Variants in GRIP1 observed in about 807,000 individuals in gnomAD.
GRIP1 encodes the protein glutamate receptor-interacting protein 1.
In GRIP1, 45 loss-of-function variants were observed where a neutral mutation model predicts 129.9. The observed-to-expected ratio is 0.35, with a 90% CI of 0.27 to 0.44. The LOEUF is 0.44. Ranked by LOEUF, GRIP1 falls within the 20% of genes least tolerant of loss-of-function variation. The pLI is 1.00. For synonymous variants in GRIP1, 530 were observed against 520.8 expected (o/e 1.02, Z -0.24); for missense variants, 1,196 against 1,396.8 (o/e 0.86, Z 2.29).
At chr12:66,838,689 T>C (rs1458324066) in intron 1 of GRIP1, among the ~76,000 whole-genome samples, 1 of 152,176 alleles carries the variant, frequency 6.6e-6, no homozygotes, top group Admixed American at 6.5e-5. Flanking sequence ...TACTTTGATT[T>C]GGACTGATAA....
At chr12:66,377,782 A>G (rs2055880867) in intron 20 of GRIP1, among the ~76,000 whole-genome samples, 1 of 151,838 alleles carries the variant, frequency 6.6e-6, no homozygotes, top group African/African-American at 2.4e-5. Context: ...TAGGAAATGC[A>G]GTGTTGTGAA....
intron 23 of GRIP1, among the ~76,000 whole-genome samples, chr12:66,369,850 G>A (rs1462346665): frequency 6.6e-6 from 1 of 152,194 alleles, no homozygotes; most frequent in Non-Finnish European, 1.5e-5. Context: ...AATGGTGTAT[G>A]TCAATTAGTA....
At chr12:66,551,038 G>T (rs2062109355) in intron 2 of GRIP1, among the ~76,000 whole-genome samples, 1 of 152,206 alleles carries the variant, frequency 6.6e-6, no homozygotes, top group South Asian at 2.1e-4. Context: ...GAAAATCGGA[G>T]TTTACAAGTA....
At chr12:66,994,953 C>T (rs2042445557) in intron 1 of GRIP1, among the ~76,000 whole-genome samples, 1 of 151,846 alleles carries the variant, frequency 6.6e-6, no homozygotes, top group Non-Finnish European at 1.5e-5. Context: ...TAATGCAAAT[C>T]TACAATAATT....
At chr12:66,352,926 C>T (rs908716423) in intron 24 of GRIP1, among the ~76,000 whole-genome samples, 2 of 152,028 alleles carry the variant, frequency 1.3e-5, no homozygotes, top group Admixed American at 6.6e-5. Flanking sequence ...GATCACGCCA[C>T]TCCACTCCAG....
At chr12:66,468,561 C>T (rs2138388177) in intron 7 of GRIP1, among the ~76,000 whole-genome samples, 1 of 152,102 alleles carries the variant, frequency 6.6e-6, no homozygotes, top group Middle Eastern at 3.4e-3. Flanking sequence ...AACCATTACC[C>T]AATACTCAAA....
intron 16 of GRIP1, among the ~76,000 whole-genome samples, chr12:66,396,863 C>T (rs553172997): frequency 1.1e-4 from 17 of 151,906 alleles, no homozygotes; most frequent in East Asian, 1.9e-4. Flanking sequence ...GTAATCCCAG[C>T]GCTTTGGGAG....
chr12:66,448,806 A>G (rs949198784), intron 11 of GRIP1, among the ~76,000 whole-genome samples: 3 of 152,156 alleles, frequency 2.0e-5, no homozygotes, highest in African/African-American at 4.8e-5. Flanking sequence ...ACAGCCTCCA[A>G]TTGCTGCTAG....
intron 1 of GRIP1, among the ~76,000 whole-genome samples, chr12:66,880,993 T>C (rs973749571): frequency 6.6e-6 from 1 of 151,138 alleles, no homozygotes; most frequent in African/African-American, 2.4e-5. Flanking sequence ...GTTACTCTTC[T>C]GTTTTTTTTT....
intron 1 of GRIP1, among the ~76,000 whole-genome samples, chr12:67,018,844 G>C (rs1033864516): frequency 3.3e-5 from 5 of 151,978 alleles, no homozygotes; most frequent in African/African-American, 1.2e-4. Context: ...GAAAACCACG[G>C]ACCCACAGCA....
chr12:67,061,408 T>C (rs376534062), intron 1 of GRIP1, among the ~76,000 whole-genome samples: 2 of 152,218 alleles, frequency 1.3e-5, no homozygotes, highest in African/African-American at 2.4e-5. Flanking sequence ...GTCAAGATGG[T>C]CGGTCTATAC....
chr12:66,472,867 G>T (rs964590871), intron 7 of GRIP1, among the ~76,000 whole-genome samples: 6 of 152,198 alleles, frequency 3.9e-5, no homozygotes, highest in African/African-American at 1.4e-4. Flanking sequence ...AGGCCACCAT[G>T]GCCCTGGGTT....
chr12:66,804,915 G>A (rs79450121), upstream of GRIP1, among the ~76,000 whole-genome samples: 103 of 152,258 alleles, frequency 6.8e-4, no homozygotes, highest in African/African-American at 2.4e-3. Context: ...GGAGCAGCAG[G>A]GAGAAGGCTC....
rs1208221926 is a variant in GRIP1, at chr12:66,394,118, C to T, written c.2129+90G>A. ...CAGATTTTTAAAAGCCAACAGATAA[C>T]CACAGAGAGAGGAGCATGTTTTTAT... On this transcript the variant is annotated intron_variant, in intron 17 of 24. Transcript: ENST00000359742. 4 of 1,241,926 alleles carry T rather than the reference C, an allele frequency of 3.2e-6. No homozygotes were observed. In the African/African-American group the frequency reaches 5.9e-5, roughly 18 times the overall value. The allele number at this position is 1,241,926 out of a possible 1,614,324, so 76.9% of individuals were successfully genotyped here.
rs1279511848 is a variant in GRIP1 at position 66,348,946 on chromosome 12, G to T, written c.*73C>A. The T allele has an allele frequency of 9.5e-7, 1 of 1,054,638 alleles. No individual in the cohort carries two copies. The highest frequency in any genetic ancestry group is 1.5e-6 in the Non-Finnish European group (1 of 668,890). The allele number at this position is 1,054,638 out of a possible 1,614,324, so 65.3% of individuals were successfully genotyped here. A position where few individuals can be genotyped will look rare whatever the true frequency, so the allele number is the denominator to read the frequency against. On this transcript the variant is annotated 3_prime_UTR_variant, in exon 25 of 25. Coordinates refer to ENST00000359742, the MANE Select transcript of GRIP1 (RefSeq NM_001366722.1). ...GTTGATTGATTATCTGTGCTTCAAA[G>T]GTCACAGAAATCTTAAAGGATTTTT...
chr12:66,657,251 T>C (rs2033214407), intron 1 of GRIP1, among the ~76,000 whole-genome samples: 1 of 151,200 alleles, frequency 6.6e-6, no homozygotes, highest in African/African-American at 2.4e-5. Context: ...TGATGAGAAG[T>C]AGCTGTCAGC....
intron 11 of GRIP1, among the ~76,000 whole-genome samples, chr12:66,447,668 C>T (rs2058670683): frequency 6.6e-6 from 1 of 151,864 alleles, no homozygotes; most frequent in African/African-American, 2.4e-5. Flanking sequence ...AATACTATCC[C>T]TTTCCACCCC....
chr12:66,441,914 T>C (rs143324454), intron 13 of GRIP1, among the ~76,000 whole-genome samples: 3 of 152,282 alleles, frequency 2.0e-5, no homozygotes, highest in Non-Finnish European at 4.4e-5. Context: ...TCATCTTCCA[T>C]ATCCAACCCA....
chr12:66,493,332 T>C (rs1427783024), intron 7 of GRIP1, among the ~76,000 whole-genome samples: 1 of 152,190 alleles, frequency 6.6e-6, no homozygotes, highest in African/African-American at 2.4e-5. Context: ...GTGGTCCAAG[T>C]AAATGATGCT....
Sources: allele counts gnomAD v4.1 joint callset (sites outside exome capture counted in the v4.1 genomes callset), GRCh38; gene constraint gnomAD v4.1.1; transcripts MANE v1.5; gene names NCBI Gene and HGNC (gene_info 2026-07-23, HGNC 2026-07-21).